FLNB: variants seen among roughly 807,000 people sequenced by gnomAD.
The protein encoded by FLNB is filamin B.
FLNB carries 111 observed loss-of-function variants against 250.6 expected under a neutral mutation model. The ratio of observed to expected loss-of-function variants is 0.44; its 90% CI spans 0.38 to 0.52. FLNB has a LOEUF of 0.52. FLNB is among the 20% of genes least tolerant of loss of function. The pLI is 0.00. For synonymous variants in FLNB, 1,302 were observed against 1,372.1 expected, an observed-to-expected ratio of 0.95 and a Z score of 1.13; for missense variants, 2,869 against 3,447.8, an observed-to-expected ratio of 0.83 and a Z score of 4.20.
chr3:58,084,620 A>G (rs13072975), intron 4 of FLNB, among the ~76,000 whole-genome samples: 32,842 of 152,134 alleles, frequency 0.22, 4,529 homozygotes, highest in Middle Eastern at 0.37. Flanking sequence ...AATATCCATA[A>G]CATAAAATTC....
At position 58,112,232 on chromosome 3, in the gene FLNB, C is replaced by A. The variant is rs2097270107; in HGVS notation, c.2659C>A (p.Pro887Thr). 6.2e-7 allele frequency: 1 copy of A among 1,613,880 alleles called. No homozygotes were observed. Among genetic ancestry groups the A allele is most frequent in the South Asian group, 1.1e-5 (1 of 91,086 alleles). ...KAPLNVQFNS[P>T]LPGDAVKDLD... Reference sequence around the variant, plus strand: ...CCCGCTCAACGTGCAGTTCAACAGCCCTCTTCCTGGCGATGCAGTGAAGGA... The same window carrying A: ...CCCGCTCAACGTGCAGTTCAACAGCACTCTTCCTGGCGATGCAGTGAAGGA... Residue 887 changes from proline (P) to threonine (T), a missense_variant, in exon 18 of 46, where the codon CCT becomes ACT. Pro to Thr is a conservative substitution (Grantham distance 38, BLOSUM62 -1). This residue lies in a region of FLNB where 1,348 missense variants were observed against 1,466.7 expected (regional missense o/e 0.92). Coordinates refer to ENST00000295956, the MANE Select transcript of FLNB (RefSeq NM_001457.4).
chr3:58,119,213 G>A (rs1420750327), intron 19 of FLNB, among the ~76,000 whole-genome samples: 1 of 152,056 alleles, frequency 6.6e-6, no homozygotes. Context: ...TGTACAGTGG[G>A]GGGTGGTCGG....
intron 32 of FLNB, among the ~76,000 whole-genome samples, chr3:58,144,383 C>T (rs1305850692): frequency 2.6e-5 from 4 of 152,176 alleles, no homozygotes; most frequent in East Asian, 1.9e-4. Flanking sequence ...TGAGCCGCCA[C>T]GCCTGGCCAA....
intron 1 of FLNB, among the ~76,000 whole-genome samples, chr3:58,011,520 C>T (rs947941049): frequency 2.0e-5 from 3 of 152,194 alleles, no homozygotes; most frequent in African/African-American, 7.2e-5. Context: ...CCACAGAGAG[C>T]CCTGGCAAGT....
intron 10 of FLNB, 56 bp downstream of exon 10, chr3:58,104,141 C>A: frequency 6.3e-7 from 1 of 1,592,218 alleles, no homozygotes; most frequent in Non-Finnish European, 8.6e-7. Flanking sequence ...CCAGGGCGGA[C>A]TCATGGGTAG....
At chr3:58,112,427 A>T in intron 18 of FLNB, 109 bp downstream of exon 18, 1 of 1,159,408 alleles carries the variant, frequency 8.6e-7, no homozygotes, top group Non-Finnish European at 1.3e-6. Context: ...GCTCTGCCAA[A>T]GTGCTCCCTG....
At chr3:58,135,809 T>A (rs188938856) in intron 27 of FLNB, among the ~76,000 whole-genome samples, 170 bp from the exon 28 acceptor site, 157 of 152,348 alleles carry the variant, frequency 1.0e-3, no homozygotes, top group Non-Finnish European at 1.8e-3. Flanking sequence ...TAAAGGGATC[T>A]GTGACCCTCT....
intron 1 of FLNB, among the ~76,000 whole-genome samples, chr3:58,046,973 C>T (rs969802480): frequency 1.3e-5 from 2 of 152,148 alleles, no homozygotes; most frequent in Admixed American, 6.5e-5. Flanking sequence ...TTCTTTTTTA[C>T]GGCCAAGTGT....
intron 43 of FLNB, chr3:58,163,753 C>T (rs1354158891): frequency 9.3e-6 from 2 of 214,162 alleles, no homozygotes; most frequent in Non-Finnish European, 1.9e-5. Context: ...TGCACTGAAG[C>T]AGCAATAAGA....
chr3:58,148,547 G>T, intron 35 of FLNB, 102 bp from the exon 36 acceptor site: 1 of 1,258,544 alleles, frequency 7.9e-7, no homozygotes, highest in Non-Finnish European at 1.1e-6. Flanking sequence ...CTGGATTGTT[G>T]GGTGTCAGGA....
At chr3:58,050,021 CTT>C (rs34910480) in intron 1 of FLNB, among the ~76,000 whole-genome samples, 15,822 of 130,654 alleles carry the variant, frequency 0.12, 946 homozygotes, top group African/African-American at 0.24. Flanking sequence ...TAGAAAATGC[CTT>C]TTTTTTTTTT....
intron 18 of FLNB, among the ~76,000 whole-genome samples, chr3:58,116,933 C>T (rs9808999): frequency 0.11 from 16,603 of 152,148 alleles, 1,160 homozygotes; most frequent in African/African-American, 0.19. Flanking sequence ...AGAGTAACAG[C>T]TTCTACCTTG....
Position 58,025,131 on chromosome 3 carries a change from T to TAC in FLNB, c.292+16275_292+16276insAC, listed in dbSNP as rs1334646262. On this transcript the variant is annotated intron_variant, in intron 1 of 45. Coordinates refer to ENST00000295956, the MANE Select transcript of FLNB (RefSeq NM_001457.4). ...CTTTTTTCTTTTCTTCTTTCTTTCT[T>TAC]TCTTTTTTTTTTTTTTGAGATAGGA... Among the ~76,000 whole-genome samples, 6 of 54,626 alleles carry TAC rather than the reference T, an allele frequency of 1.1e-4. No homozygotes were observed. In the East Asian group the frequency reaches 8.8e-3, roughly 81 times the overall value. 35.8% of individuals were successfully genotyped at this position (54,626 alleles called of 152,430 possible).
At chr3:58,107,629 A>AT (rs201151422) in intron 12 of FLNB, among the ~76,000 whole-genome samples, 1,815 of 151,762 alleles carry the variant, frequency 0.012, 38 homozygotes, top group East Asian at 0.061. Context: ...TAGATAAAGG[A>AT]TTTTTTTTTC....
intron 1 of FLNB, among the ~76,000 whole-genome samples, chr3:58,039,193 C>T (rs1423588484): frequency 7.9e-6 from 1 of 125,806 alleles, no homozygotes; most frequent in African/African-American, 3.2e-5. Context: ...CCTGTCTCTA[C>T]AGGAAAAAAA....
chr3:58,169,196 T>C lies in FLNB; in HGVS notation c.7418-394T>C, dbSNP rs2097376609. The C allele has an allele frequency of 3.6e-6, 1 of 277,856 alleles. No homozygotes were observed. The highest frequency in any genetic ancestry group is 6.9e-6 in the Non-Finnish European group (1 of 144,926). The allele number at this position is 277,856 out of a possible 1,614,324, so 17.2% of individuals were successfully genotyped here. On this transcript the variant is annotated intron_variant, in intron 44 of 45. Transcript: ENST00000295956. This position sits in a 1 kb window ranked among gnomAD's most constrained non-coding sequence, Gnocchi z 4.8. ...AAATTCAGATAGAAAAATCATCCTT[T>C]CTCATCCACAGAATCATTTTTTGAT...
intron 29 of FLNB, among the ~76,000 whole-genome samples, chr3:58,139,131 T>C (rs937137259): frequency 2.0e-5 from 3 of 152,244 alleles, no homozygotes; most frequent in Non-Finnish European, 4.4e-5. Flanking sequence ...TCATTTTCAG[T>C]TGTGAGTTAC....
chr3:58,027,749 C>A lies in FLNB; in HGVS notation c.292+18893C>A, dbSNP rs545434573. On this transcript the variant is annotated intron_variant, in intron 1 of 45. Coordinates refer to ENST00000295956, the MANE Select transcript of FLNB (RefSeq NM_001457.4). ...CTATTTTGCCATATCCCACGGCTGT[C>A]TCTATTTCATTTTTCACTTAATATT... Among the ~76,000 whole-genome samples the A allele has an allele frequency of 2.6e-5, 4 of 152,340 alleles. No individual in the cohort carries two copies. In the South Asian group the frequency reaches 8.3e-4, roughly 32 times the overall value.
rs550730812 is a variant in FLNB at position 58,109,897 on chromosome 3, T to A, written c.2324-113T>A. 7 of 1,464,866 alleles carry A rather than the reference T, an allele frequency of 4.8e-6. No homozygotes were observed. The South Asian group carries it at 8.0e-5, about 17-fold the overall frequency. The allele number at this position is 1,464,866 out of a possible 1,614,324, so 90.7% of individuals were successfully genotyped here. On this transcript the variant is annotated intron_variant, in intron 15 of 45. Coordinates refer to ENST00000295956, the MANE Select transcript of FLNB (RefSeq NM_001457.4). ...CCCAAATCCTTACTCTTTCTCAGGT[T>A]TCTTACTAGAAACTTCCCAATTGCT...
Sources: gnomAD v4.1 joint callset for allele counts (sites outside exome capture counted in the v4.1 genomes callset) on GRCh38, gnomAD v4.1.1 for gene constraint, gnomAD v4.1.1 regional missense constraint, Gnocchi (gnomAD v3.1) non-coding constraint, MANE v1.5 for transcripts, NCBI Gene and HGNC (gene_info 2026-07-23, HGNC 2026-07-21) for gene names.